CNTN2: variants seen among roughly 807,000 people sequenced by gnomAD.
CNTN2 encodes the protein contactin 2, also known as contactin-2.
CNTN2 carries 53 observed loss-of-function variants against 117.5 expected under a neutral mutation model. The observed-to-expected ratio is 0.45, with a 90% confidence interval of 0.36 to 0.57. The LOEUF is 0.57. Ranked by LOEUF, CNTN2 falls within the 20% of genes least tolerant of loss-of-function variation. CNTN2 has a pLI of 0.00. For missense variants in CNTN2, 1,106 were observed against 1,404.3 expected (o/e 0.79, Z 3.39); for synonymous variants, 530 against 561.7 (o/e 0.94, Z 0.80).
intron 2 of CNTN2, 27 bp from the exon 3 acceptor site, chr1:205,057,894 G>A (rs760121136): frequency 2.4e-5 from 38 of 1,608,604 alleles, no homozygotes; most frequent in Non-Finnish European, 2.4e-5. Context: ...AAGGCTCTGA[G>A]GCATCTGGTG....
At chr1:205,050,581 TGGTGAC>T (rs2151183912) in intron 1 of CNTN2, among the ~76,000 whole-genome samples, 1 of 152,344 alleles carries the variant, frequency 6.6e-6, no homozygotes, top group South Asian at 2.1e-4. Flanking sequence ...GCTTTGTATT[TGGTGAC>T]TTTGCCCAAC....
At chr1:205,064,920 T>C (rs1654197307) in intron 12 of CNTN2, among the ~76,000 whole-genome samples, 167 bp from the exon 13 acceptor site, 1 of 152,032 alleles carries the variant, frequency 6.6e-6, no homozygotes, top group African/African-American at 2.4e-5. Flanking sequence ...TGGTCATGCC[T>C]CCCTGCCTGC....
In CNTN2 at chr1:205,074,857, T is replaced by A; in HGVS notation, c.*1092T>A. ...AAATGTGGCCCTGCCTGCTCCCAGG[T>A]ATACCTAGGACCACCTGGCCAGATC... On this transcript the variant is annotated 3_prime_UTR_variant, in exon 23 of 23. Transcript: ENST00000331830. The A allele has an allele frequency of 2.5e-6, 1 of 398,608 alleles. No individual in the cohort carries two copies. Among genetic ancestry groups the A allele is most frequent in the Non-Finnish European group, 4.4e-6 (1 of 226,076 alleles). 24.7% of individuals were successfully genotyped at this position (398,608 alleles called of 1,614,324 possible). A position where few individuals can be genotyped will look rare whatever the true frequency, so the allele number is the denominator to read the frequency against.
chr1:205,072,667 C>T, intron 21 of CNTN2, 72 bp downstream of exon 21: 1 of 1,170,806 alleles, frequency 8.5e-7, no homozygotes, highest in South Asian at 1.2e-5. Context: ...ACATAAGCAG[C>T]AGCAATTTAT....
intron 1 of CNTN2, among the ~76,000 whole-genome samples, chr1:205,046,897 CTCT>C (rs1488864899): frequency 1.3e-5 from 2 of 152,170 alleles, no homozygotes; most frequent in African/African-American, 2.4e-5. Flanking sequence ...ATGGAAGCCT[CTCT>C]TCTTCTGTCC....
intron 2 of CNTN2, among the ~76,000 whole-genome samples, 172 bp downstream of exon 2, chr1:205,053,427 T>C (rs1276142718): frequency 1.3e-5 from 2 of 152,042 alleles, no homozygotes; most frequent in Non-Finnish European, 2.9e-5. Context: ...TTACCTTCCT[T>C]TGAGTTTAGG....
chr1:205,076,962 T>C lies in CNTN2; in HGVS notation c.*3197T>C, dbSNP rs766781565. The C allele has an allele frequency of 6.6e-6, 1 of 152,072 alleles. No homozygotes were observed. Among genetic ancestry groups the C allele is most frequent in the Non-Finnish European group, 1.5e-5 (1 of 68,010 alleles). The allele number at this position is 152,072 out of a possible 1,614,324, so 9.4% of individuals were successfully genotyped here. On this transcript the variant is annotated 3_prime_UTR_variant, in exon 23 of 23. Transcript: ENST00000331830. ...TGAGGTTAAACATCAGAAAAAAACCTCTGGAATGACCTTCCTCATTCCAGG... is the reference window on the plus strand; with the variant it reads ...TGAGGTTAAACATCAGAAAAAAACCCCTGGAATGACCTTCCTCATTCCAGG...
In CNTN2 at chr1:205,064,714, G is replaced by A. The variant is rs756490782; in HGVS notation, c.1483G>A (p.Gly495Ser). 3.1e-6 allele frequency: 5 copies of A among 1,614,134 alleles called. No homozygotes were observed. The highest frequency in any genetic ancestry group is 3.3e-5 in the Admixed American group (2 of 60,022). ...KYTCFAENFM[G>S]KANSTGILSV... The stretch of plus-strand genomic sequence containing the variant: ...CACCTGCTTTGCTGAGAACTTCATG[G>A]GCAAAGCCAACAGCACTGGAATCCT... Residue 495 changes from glycine (G) to serine (S), a missense_variant, in exon 12 of 23, where the codon GGC becomes AGC. By Grantham distance (56) the Gly-to-Ser change is moderately conservative (BLOSUM62 0). Coordinates refer to ENST00000331830, the MANE Select transcript of CNTN2 (RefSeq NM_005076.5).
rs1179780571 is a variant in CNTN2, at chr1:205,059,354, A to C, written c.697+61A>C. The stretch of plus-strand genomic sequence containing the variant: ...CTGGAAGGGTCAGCGGGCATTAGGA[A>C]AAGGGTTTTTCCTTTGGAGATTGGA... On this transcript the variant is annotated intron_variant, in intron 6 of 22. Coordinates refer to ENST00000331830, the MANE Select transcript of CNTN2 (RefSeq NM_005076.5). This position sits in a 1 kb window ranked among gnomAD's most constrained non-coding sequence, Gnocchi z 5.6. 1 of 1,513,568 alleles carries C rather than the reference A, an allele frequency of 6.6e-7. No individual in the cohort carries two copies. The highest frequency in any genetic ancestry group is 1.4e-5 in the African/African-American group (1 of 72,578). The allele number at this position is 1,513,568 out of a possible 1,614,324, so 93.8% of individuals were successfully genotyped here. A position where few individuals can be genotyped will look rare whatever the true frequency, so the allele number is the denominator to read the frequency against.
At chr1:205,072,420 G>T in intron 20 of CNTN2, 63 bp from the exon 21 acceptor site, 1 of 1,383,406 alleles carries the variant, frequency 7.2e-7, no homozygotes. Flanking sequence ...CTGGTTAAAG[G>T]TGAGGGGGTG....
Position 205,064,319 on chromosome 1 carries a change from T to C in CNTN2, c.1241-3T>C, listed in dbSNP as rs200577280. On this transcript the variant is annotated splice_region_variant and splice_polypyrimidine_tract_variant and intron_variant, in intron 10 of 22. Transcript: ENST00000331830. ...TCTCTGTGGCTCTCCCCTTTCCTTC[T>C]AGCACTCGCCCCTGACTTCAGGCTG... 75 of 1,561,338 alleles carry C rather than the reference T, an allele frequency of 4.8e-5. No individual in the cohort carries two copies. The Admixed American group carries it at 1.4e-3, about 29-fold the overall frequency.
Position 205,057,902 on chromosome 1 carries a change from G to A in CNTN2, c.71-19G>A, listed in dbSNP as rs762328579. ...CCAGGCCAAGGCTCTGAGGCATCTG[G>A]TGGTGTCATCACCTGCAGCTTGGAG... On this transcript the variant is annotated intron_variant, in intron 2 of 22. Coordinates refer to ENST00000331830, the MANE Select transcript of CNTN2 (RefSeq NM_005076.5). 3.7e-6 allele frequency: 6 copies of A among 1,610,778 alleles called. No homozygotes were observed. Among genetic ancestry groups the A allele is most frequent in the African/African-American group, 1.3e-5 (1 of 74,874 alleles).
In CNTN2 at chr1:205,070,649, C is replaced by G. The variant is rs34709683; in HGVS notation, c.2544+111C>G. 455 of 744,374 alleles carry G rather than the reference C, an allele frequency of 6.1e-4. 2 individuals carry two copies. Among genetic ancestry groups the G allele is most frequent in the Non-Finnish European group, 3.2e-4 (141 of 433,948 alleles). 46.1% of individuals were successfully genotyped at this position (744,374 alleles called of 1,614,324 possible). A position where few individuals can be genotyped will look rare whatever the true frequency, so the allele number is the denominator to read the frequency against. ...CCTCCTGGCGTCCCTGGTTCGCTGA[C>G]ATGGCAAACTGAGCATCCAGTCTGT... is the stretch of plus-strand genomic sequence containing the variant. On this transcript the variant is annotated intron_variant, in intron 19 of 22. Coordinates refer to ENST00000331830, the MANE Select transcript of CNTN2 (RefSeq NM_005076.5).
Position 205,061,322 on chromosome 1 carries a change from A to G in CNTN2, c.875A>G (p.Gln292Arg). The G allele has an allele frequency of 6.2e-7, 1 of 1,614,120 alleles. No individual in the cohort carries two copies. The highest frequency in any genetic ancestry group is 8.5e-7 in the Non-Finnish European group (1 of 1,180,006). The part of the protein sequence containing the change: ...PQWTTAEPTL[Q>R]IPSVSFEDEG... Reference sequence around the variant, plus strand: ...TGGACCACAGCTGAGCCCACCCTGCAGATCCCCAGCGTCAGCTTTGAGGAT... The same window carrying G: ...TGGACCACAGCTGAGCCCACCCTGCGGATCCCCAGCGTCAGCTTTGAGGAT... Residue 292 changes from glutamine to arginine, a missense_variant, in exon 8 of 23, where the codon CAG becomes CGG. Gln to Arg is a conservative substitution (Grantham distance 43). Coordinates refer to ENST00000331830, the MANE Select transcript of CNTN2 (RefSeq NM_005076.5). The surrounding 1 kb of genome is among the most constrained non-coding windows in gnomAD (Gnocchi z 4.8).
intron 1 of CNTN2, among the ~76,000 whole-genome samples, chr1:205,047,940 C>T (rs1034679597): frequency 6.6e-5 from 10 of 152,100 alleles, no homozygotes; most frequent in African/African-American, 2.4e-4. Context: ...ACTGTGATAA[C>T]CAGGTTATAC....
intron 1 of CNTN2, among the ~76,000 whole-genome samples, chr1:205,043,693 G>C (rs935479405): frequency 2.6e-4 from 39 of 152,204 alleles, no homozygotes; most frequent in African/African-American, 7.5e-4. Context: ...CCAGCGGGCA[G>C]TGGCAGCTGC....
intron 19 of CNTN2, 31 bp downstream of exon 19, chr1:205,070,569 A>G (rs1654542290): frequency 6.5e-7 from 1 of 1,530,974 alleles, no homozygotes; most frequent in Non-Finnish European, 9.0e-7. Flanking sequence ...TGGGAGAGGA[A>G]GGGGTGCTGG....
Position 205,061,193 on chromosome 1 carries a change from G to T in CNTN2, c.798-52G>T. 2.6e-6 allele frequency: 4 copies of T among 1,542,864 alleles called. No homozygotes were observed. The highest frequency in any genetic ancestry group is 2.6e-6 in the Non-Finnish European group (3 of 1,137,178). ...TGGGTATGAGGAGCTGCGGGCACTG[G>T]AGGGGTAGGCCCAGCTCAGCCCACA... On this transcript the variant is annotated intron_variant, in intron 7 of 22. Coordinates refer to ENST00000331830, the MANE Select transcript of CNTN2 (RefSeq NM_005076.5). The surrounding 1 kb of genome is among the most constrained non-coding windows in gnomAD (Gnocchi z 4.8).
Position 205,066,436 on chromosome 1 carries a change from T to G in CNTN2, c.1817-5T>G. On this transcript the variant is annotated splice_region_variant and splice_polypyrimidine_tract_variant and intron_variant, in intron 14 of 22. Coordinates refer to ENST00000331830, the MANE Select transcript of CNTN2 (RefSeq NM_005076.5). ...GACCCACTGTGCTCTGACCTCTTGG[T>G]GCAGGTCCGCCAGGTCCCCCAGGAG... The G allele has an allele frequency of 1.2e-6, 2 of 1,613,340 alleles. No individual in the cohort carries two copies. Among genetic ancestry groups the G allele is most frequent in the South Asian group, 1.1e-5 (1 of 90,974 alleles).
Sources: allele counts gnomAD v4.1 joint callset (sites outside exome capture counted in the v4.1 genomes callset), GRCh38; gene constraint gnomAD v4.1.1; non-coding constraint Gnocchi (gnomAD v3.1); transcripts MANE v1.5; gene names NCBI Gene and HGNC (gene_info 2026-07-23, HGNC 2026-07-21).